MGAM2: variants seen among roughly 807,000 people sequenced by gnomAD.
The protein encoded by MGAM2 is maltase-glucoamylase 2 (putative), also known as probable maltase-glucoamylase 2.
In MGAM2, 98 loss-of-function variants were observed where a neutral mutation model predicts 96.1. The ratio of observed to expected loss-of-function variants is 1.02; its 90% CI spans 0.87 to 1.21. The LOEUF (loss-of-function observed/expected upper bound fraction) is 1.21, where lower values mean the gene tolerates loss of function less well. Among genes scored for constraint, MGAM2 ranks in the 50% most tolerant of loss-of-function variants. The pLI is 0.00. For synonymous variants in MGAM2, 749 were observed against 414.8 expected, an observed-to-expected ratio of 1.81 and a Z score of -9.79; for missense variants, 2,055 against 1,182.4, an observed-to-expected ratio of 1.74 and a Z score of -10.82.
At chr7:142,214,109 C>A (rs1797674963) in intron 46 of MGAM2, among the ~76,000 whole-genome samples, 1 of 152,184 alleles carries the variant, frequency 6.6e-6, no homozygotes, top group Admixed American at 6.5e-5. Context: ...ATTCAACACC[C>A]TTTCATGCTA....
At chr7:142,136,501 A>G in intron 7 of MGAM2, 40 bp from the exon 8 acceptor site, 1 of 602,690 alleles carries the variant, frequency 1.7e-6, no homozygotes, top group Non-Finnish European at 3.0e-6. Flanking sequence ...AAACTTTCTC[A>G]ACACATAACA....
chr7:142,196,478 TA>T (rs779759916), intron 38 of MGAM2, 86 bp from the exon 39 acceptor site: 32 of 699,992 alleles, frequency 4.6e-5, no homozygotes, highest in Non-Finnish European at 8.1e-5. Flanking sequence ...CAGGGCTTTC[TA>T]ATGGGGTAAG....
intron 2 of MGAM2, among the ~76,000 whole-genome samples, chr7:142,118,392 C>A (rs2129073839): frequency 6.6e-6 from 1 of 152,140 alleles, no homozygotes; most frequent in Non-Finnish European, 1.5e-5. Context: ...TGTACACAAA[C>A]AAATGTAGAG....
chr7:142,143,048 T>C (rs532855981), intron 12 of MGAM2, among the ~76,000 whole-genome samples: 74 of 152,318 alleles, frequency 4.9e-4, no homozygotes, highest in African/African-American at 1.7e-3. Flanking sequence ...AGCTCCCATC[T>C]TGAGTTTTGA....
rs1797090915 is a variant in MGAM2, at chr7:142,197,669, G to T, written c.4807G>T (p.Asp1603Tyr). The change falls in exon 42 of 48, where the codon GAT becomes TAT. Residue 1603 changes from aspartate (D) to tyrosine (Y), a missense_variant. Coordinates refer to ENST00000477922, the MANE Select transcript of MGAM2 (RefSeq NM_001293626.2). Reference sequence around the variant, plus strand: ...GTTTACGGATGACAGGACAACATGGGATATAGACCGTCAGTTCATGTTGGG... The same window carrying T: ...GTTTACGGATGACAGGACAACATGGTATATAGACCGTCAGTTCATGTTGGG... ...HEFTDDRTTW[D>Y]IDRQFMLGPA... 1 of 702,834 alleles carries T rather than the reference G, an allele frequency of 1.4e-6. No individual in the cohort carries two copies. The highest frequency in any genetic ancestry group is 2.6e-6 in the Non-Finnish European group (1 of 385,020). The allele number at this position is 702,834 out of a possible 1,614,324, so 43.5% of individuals were successfully genotyped here.
At chr7:142,171,880 T>C (rs1040434604) in intron 28 of MGAM2, among the ~76,000 whole-genome samples, 1 of 151,476 alleles carries the variant, frequency 6.6e-6, no homozygotes, top group Admixed American at 6.6e-5. Context: ...AATTATGTAA[T>C]AATACATAAT....
chr7:142,171,153 C>T (rs1056412665), intron 27 of MGAM2, 119 bp from the exon 28 acceptor site: 1 of 693,660 alleles, frequency 1.4e-6, no homozygotes, highest in South Asian at 1.5e-5. Context: ...AGTATTTGAA[C>T]CTGGATCTAA....
chr7:142,168,145 C>T (rs1476886417), intron 26 of MGAM2, among the ~76,000 whole-genome samples: 2 of 152,132 alleles, frequency 1.3e-5, no homozygotes, highest in Admixed American at 1.3e-4. Context: ...CAGTAGTTCT[C>T]AAACTGCAGC....
At chr7:142,200,030 G>T (rs898227568) in intron 45 of MGAM2, 62 bp downstream of exon 45, 1 of 580,848 alleles carries the variant, frequency 1.7e-6, no homozygotes, top group Non-Finnish European at 3.1e-6. Context: ...ATAGAGGCTC[G>T]GCATATAACT....
At chr7:142,130,843 C>T in intron 3 of MGAM2, 105 bp from the exon 4 acceptor site, 1 of 610,738 alleles carries the variant, frequency 1.6e-6, no homozygotes, top group Non-Finnish European at 3.0e-6. Flanking sequence ...GTAATTATAA[C>T]CTATCTTAAA....
At chr7:142,145,002 A>G (rs1232071555) in intron 14 of MGAM2, 57 bp downstream of exon 14, 1 of 696,240 alleles carries the variant, frequency 1.4e-6, no homozygotes, top group African/African-American at 1.8e-5. Context: ...AAACACCCTC[A>G]GTAATACTCA....
chr7:142,165,609 G>A (rs1326024748), intron 24 of MGAM2, among the ~76,000 whole-genome samples: 1 of 152,052 alleles, frequency 6.6e-6, no homozygotes, highest in African/African-American at 2.4e-5. Flanking sequence ...GGCAGAATGG[G>A]GCTCCAATCT....
chr7:142,157,991 C>T lies in MGAM2; in HGVS notation c.1978C>T (p.His660Tyr), dbSNP rs922103755. The change falls in exon 18 of 48, where the codon CAT becomes TAT. Residue 660 changes from histidine to tyrosine, a missense_variant. His to Tyr is a moderately conservative substitution (Grantham distance 83). Coordinates refer to ENST00000477922, the MANE Select transcript of MGAM2 (RefSeq NM_001293626.2). ...VDSLLLKSSRHYLNIRYTLLP... is the reference protein window; with the variant it reads ...VDSLLLKSSRYYLNIRYTLLP... ...TTCCCTGCTGCTGAAATCCTCCAGA[C>T]ATTATCTGAACATCCGCTACACCTT... is the stretch of plus-strand genomic sequence containing the variant. The T allele has an allele frequency of 9.0e-5, 63 of 702,876 alleles. No homozygotes were observed. The highest frequency in any genetic ancestry group is 1.4e-4 in the Non-Finnish European group (52 of 384,990). The allele number at this position is 702,876 out of a possible 1,614,324, so 43.5% of individuals were successfully genotyped here.
intron 45 of MGAM2, among the ~76,000 whole-genome samples, chr7:142,206,435 A>C (rs1166659987): frequency 6.6e-6 from 1 of 152,126 alleles, no homozygotes; most frequent in African/African-American, 2.4e-5. Context: ...AAATATTGTA[A>C]AATGTCTCCA....
chr7:142,197,835 G>A (rs1034454245), intron 42 of MGAM2, 107 bp downstream of exon 42: 5 of 673,676 alleles, frequency 7.4e-6, no homozygotes, highest in Non-Finnish European at 1.3e-5. Context: ...ATTTTCAGGC[G>A]AATGCCTTTC....
intron 32 of MGAM2, among the ~76,000 whole-genome samples, chr7:142,177,747 T>C (rs1796419989): frequency 6.6e-6 from 1 of 152,210 alleles, no homozygotes; most frequent in South Asian, 2.1e-4. Context: ...ATATGTACCA[T>C]ATTTTCTTTA....
At chr7:142,182,917 C>T (rs1244180273) in intron 32 of MGAM2, among the ~76,000 whole-genome samples, 3 of 152,102 alleles carry the variant, frequency 2.0e-5, no homozygotes, top group Non-Finnish European at 2.9e-5. Context: ...CATATTGTCC[C>T]CTTTCCTCTC....
chr7:142,171,251 T>C, intron 27 of MGAM2, 21 bp from the exon 28 acceptor site: 1 of 702,176 alleles, frequency 1.4e-6, no homozygotes, highest in Non-Finnish European at 2.6e-6. Flanking sequence ...CAGCTCAGCG[T>C]GATCTGCTTT....
intron 15 of MGAM2, among the ~76,000 whole-genome samples, 161 bp downstream of exon 15, chr7:142,147,734 T>C (rs1352309672): frequency 6.6e-6 from 1 of 152,248 alleles, no homozygotes; most frequent in African/African-American, 2.4e-5. Flanking sequence ...TCCTCTCATA[T>C]ACACCCTGGT....
Sources: allele counts gnomAD v4.1 joint callset (sites outside exome capture counted in the v4.1 genomes callset), GRCh38; gene constraint gnomAD v4.1.1; transcripts MANE v1.5; gene names NCBI Gene and HGNC (gene_info 2026-07-23, HGNC 2026-07-21).